The following ARHGAP42 variants were observed in gnomAD, a reference collection of about 807,000 sequenced individuals.
ARHGAP42 encodes the protein Rho GTPase activating protein 42.
In ARHGAP42, 63 loss-of-function variants were observed where a neutral mutation model predicts 125.0. The observed-to-expected ratio is 0.50, with a 90% CI of 0.41 to 0.62. ARHGAP42 has a LOEUF of 0.62. Ranked by LOEUF, ARHGAP42 falls within the 20% of genes least tolerant of loss-of-function variation. ARHGAP42 has a pLI of 0.00. For missense variants in ARHGAP42, 766 were observed against 1,024.2 expected, an observed-to-expected ratio of 0.75 and a Z score of 3.44; for synonymous variants, 339 against 351.0, an observed-to-expected ratio of 0.97 and a Z score of 0.38.
At chr11:100,769,523 A>T (rs969793602) in intron 1 of ARHGAP42, among the ~76,000 whole-genome samples, 1 of 152,102 alleles carries the variant, frequency 6.6e-6, no homozygotes. Flanking sequence ...AGTATGTTTA[A>T]CTTGAGTCTC....
intron 3 of ARHGAP42, among the ~76,000 whole-genome samples, chr11:100,845,747 C>T (rs1182748640): frequency 1.3e-5 from 2 of 152,032 alleles, no homozygotes; most frequent in African/African-American, 4.8e-5. Context: ...ACCTTTTTGC[C>T]CAGTTGTCCT....
At chr11:100,789,397 G>A (rs1256228549) in intron 2 of ARHGAP42, among the ~76,000 whole-genome samples, 1 of 152,208 alleles carries the variant, frequency 6.6e-6, no homozygotes, top group Non-Finnish European at 1.5e-5. Flanking sequence ...AGGACCGAGG[G>A]GAGTGGGTGG....
chr11:100,772,100 A>G (rs917471774), intron 2 of ARHGAP42, among the ~76,000 whole-genome samples: 1 of 151,942 alleles, frequency 6.6e-6, no homozygotes, highest in African/African-American at 2.4e-5. Flanking sequence ...TTATGTCTGT[A>G]TTTCTAGACG....
chr11:100,821,418 C>T lies in ARHGAP42; in HGVS notation c.312+26252C>T, dbSNP rs114991103. Among the ~76,000 whole-genome samples the T allele has an allele frequency of 8.3e-3, 1,259 of 151,936 alleles. 17 individuals carry two copies. Among genetic ancestry groups the T allele is most frequent in the African/African-American group, 0.029 (1,195 of 41,432 alleles). On this transcript the variant is annotated intron_variant, in intron 3 of 23. Transcript: ENST00000298815. The stretch of plus-strand genomic sequence containing the variant: ...TTTAGAAGGAAGTGAGTTGAGTTTC[C>T]AGATCATCGAGTTTTAAGTATGCTA...
Position 100,687,615 on chromosome 11 carries a change from G to C in ARHGAP42, c.-64G>C. 1 of 1,199,204 alleles carries C rather than the reference G, an allele frequency of 8.3e-7. No individual in the cohort carries two copies. Among genetic ancestry groups the C allele is most frequent in the Non-Finnish European group, 1.0e-6 (1 of 962,680 alleles). 74.3% of individuals were successfully genotyped at this position (1,199,204 alleles called of 1,614,324 possible). A position where few individuals can be genotyped will look rare whatever the true frequency, so the allele number is the denominator to read the frequency against. The stretch of plus-strand genomic sequence containing the variant: ...GACCCCAGCGCCCGCCGCGGCCGCC[G>C]GCTGCCCCCGCCCTGACCTCCGGCC... On this transcript the variant is annotated 5_prime_UTR_variant, in exon 1 of 24. Coordinates refer to ENST00000298815, the MANE Select transcript of ARHGAP42 (RefSeq NM_152432.4).
At chr11:100,930,333 G>A (rs1867541045) in intron 6 of ARHGAP42, among the ~76,000 whole-genome samples, 1 of 152,162 alleles carries the variant, frequency 6.6e-6, no homozygotes, top group Non-Finnish European at 1.5e-5. Context: ...AAATGAACAA[G>A]TATATGTTCA....
Position 100,965,532 on chromosome 11 carries a change from G to C in ARHGAP42, c.1445-139G>C. 6.8e-6 allele frequency: 5 copies of C among 738,200 alleles called. No individual in the cohort carries two copies. The South Asian group carries it at 8.4e-5, about 12-fold the overall frequency. 45.7% of individuals were successfully genotyped at this position (738,200 alleles called of 1,614,324 possible). A position where few individuals can be genotyped will look rare whatever the true frequency, so the allele number is the denominator to read the frequency against. ...TCAACTTCTGCAAGCCATAGGGAATGATAATGACAGTACTACATGAAGCAA... is the reference window on the plus strand; with the variant it reads ...TCAACTTCTGCAAGCCATAGGGAATCATAATGACAGTACTACATGAAGCAA... On this transcript the variant is annotated intron_variant, in intron 16 of 23. Transcript: ENST00000298815.
chr11:100,969,761 G>A (rs671333), intron 17 of ARHGAP42, among the ~76,000 whole-genome samples: 63,082 of 151,834 alleles, frequency 0.42, 15,293 homozygotes, highest in East Asian at 1. Context: ...GGATATATTT[G>A]TGACTTCTTT....
chr11:100,897,209 T>G (rs1437694638), intron 4 of ARHGAP42, among the ~76,000 whole-genome samples: 1 of 152,248 alleles, frequency 6.6e-6, no homozygotes, highest in Non-Finnish European at 1.5e-5. Flanking sequence ...ATATCTGTAC[T>G]GGTACCAGTA....
chr11:100,768,989 C>A (rs1402543596), intron 1 of ARHGAP42, among the ~76,000 whole-genome samples: 1 of 152,132 alleles, frequency 6.6e-6, no homozygotes, highest in African/African-American at 2.4e-5. Context: ...ATGGTATAGC[C>A]TACTACACAC....
chr11:100,693,525 A>G (rs1201867161), intron 1 of ARHGAP42, among the ~76,000 whole-genome samples: 1 of 152,184 alleles, frequency 6.6e-6, no homozygotes, highest in East Asian at 1.9e-4. Context: ...ATTTACTTCC[A>G]TCTACCTCTC....
At chr11:100,880,534 A>G (rs546380465) in intron 4 of ARHGAP42, among the ~76,000 whole-genome samples, 12 of 152,172 alleles carry the variant, frequency 7.9e-5, no homozygotes, top group Non-Finnish European at 1.8e-4. Flanking sequence ...CCTTTTTGCA[A>G]TTGCAATTTG....
intron 3 of ARHGAP42, among the ~76,000 whole-genome samples, chr11:100,803,054 G>A (rs942865932): frequency 6.6e-6 from 1 of 152,146 alleles, no homozygotes; most frequent in Non-Finnish European, 1.5e-5. Context: ...GTCTGGTGGT[G>A]ATAAATGCTA....
At chr11:100,751,567 A>T (rs901189930) in intron 1 of ARHGAP42, among the ~76,000 whole-genome samples, 2 of 151,574 alleles carry the variant, frequency 1.3e-5, no homozygotes, top group Non-Finnish European at 2.9e-5. Context: ...GATAAAGTAG[A>T]TGGGTAAATG....
chr11:100,964,170 A>G (rs1484320670), intron 16 of ARHGAP42, among the ~76,000 whole-genome samples: 1 of 152,142 alleles, frequency 6.6e-6, no homozygotes, highest in African/African-American at 2.4e-5. Context: ...AGGGGAAGTT[A>G]TTCAGATCCT....
chr11:100,859,326 A>G, intron 3 of ARHGAP42: 2 of 405,382 alleles, frequency 4.9e-6, no homozygotes, highest in Non-Finnish European at 8.7e-6. Flanking sequence ...CACCACAACA[A>G]GTACTTATTT....
intron 6 of ARHGAP42, among the ~76,000 whole-genome samples, chr11:100,929,525 C>T (rs986513669): frequency 6.6e-6 from 1 of 152,204 alleles, no homozygotes; most frequent in Non-Finnish European, 1.5e-5. Context: ...GACACTCCCA[C>T]CAGTGATATA....
rs368841048 is a variant in ARHGAP42, at chr11:100,768,232, C to T, written c.155-2111C>T. Among the ~76,000 whole-genome samples, 47 of 152,224 alleles carry T rather than the reference C, an allele frequency of 3.1e-4. No homozygotes were observed. In the South Asian group the frequency reaches 8.9e-3, roughly 29 times the overall value. ...GTCAGTAGATGAGAGAGATCTGGCT[C>T]AACTCTAAATACAACAATAACAAGT... On this transcript the variant is annotated intron_variant, in intron 1 of 23. Transcript: ENST00000298815.
intron 4 of ARHGAP42, among the ~76,000 whole-genome samples, chr11:100,906,648 C>T (rs1866746668): frequency 6.6e-6 from 1 of 151,668 alleles, no homozygotes; most frequent in Non-Finnish European, 1.5e-5. Context: ...ATTTTATTAT[C>T]TCTCATTCAG....
Sources: allele counts gnomAD v4.1 joint callset (sites outside exome capture counted in the v4.1 genomes callset), GRCh38; gene constraint gnomAD v4.1.1; transcripts MANE v1.5; gene names NCBI Gene and HGNC (gene_info 2026-07-23, HGNC 2026-07-21).